MLLT3: variants seen among roughly 807,000 people sequenced by gnomAD.
MLLT3 encodes MLLT3 super elongation complex subunit, also known as protein AF-9.
In MLLT3, 4 loss-of-function variants were observed where a neutral mutation model predicts 53.2. The observed-to-expected ratio is 0.08, with a 90% CI of 0.04 to 0.17. The LOEUF is 0.17. Among genes scored for constraint, MLLT3 ranks in the 10% least tolerant of loss-of-function variants. The probability of loss-of-function intolerance (pLI) is 1.00; values close to 1 mark genes in which losing one functional copy is unlikely to be tolerated. For synonymous variants in MLLT3, 283 were observed against 230.6 expected (o/e 1.23, Z -2.06); for missense variants, 569 against 684.0 (o/e 0.83, Z 1.87).
intron 5 of MLLT3, among the ~76,000 whole-genome samples, chr9:20,367,898 C>G (rs1050173976): frequency 1.3e-5 from 2 of 152,190 alleles, no homozygotes; most frequent in African/African-American, 2.4e-5. Flanking sequence ...CCCCTTCTCC[C>G]AAGGTAGCAC....
At chr9:20,617,901 A>G (rs994747264) in intron 2 of MLLT3, among the ~76,000 whole-genome samples, 2 of 152,246 alleles carry the variant, frequency 1.3e-5, no homozygotes, top group Non-Finnish European at 2.9e-5. Context: ...TAAAAATACT[A>G]TAATTTTTTC....
chr9:20,362,434 T>C (rs1237030019), intron 7 of MLLT3, among the ~76,000 whole-genome samples: 2 of 152,198 alleles, frequency 1.3e-5, no homozygotes, highest in African/African-American at 4.8e-5. Flanking sequence ...TTGAGGTCTT[T>C]TTTCCCTATC....
chr9:20,393,538 T>G (rs762293442), intron 5 of MLLT3, among the ~76,000 whole-genome samples: 6 of 152,212 alleles, frequency 3.9e-5, no homozygotes, highest in Middle Eastern at 3.2e-3. Context: ...CCCTTCGATT[T>G]CAAAAATATT....
chr9:20,434,022 G>A (rs1823342458), intron 4 of MLLT3, among the ~76,000 whole-genome samples: 1 of 152,068 alleles, frequency 6.6e-6, no homozygotes, highest in South Asian at 2.1e-4. Flanking sequence ...TCAGGAGGAT[G>A]AGGCAGCAGA....
chr9:20,620,568 C>T lies in MLLT3; in HGVS notation c.193+86G>A. On this transcript the variant is annotated intron_variant, in intron 2 of 10. Transcript: ENST00000380338. The surrounding 1 kb of genome is among the most constrained non-coding windows in gnomAD (Gnocchi z 6.1). ...ACGCCGGCGAGCGCGGCGCGGGGGG[C>T]GGGGAGCGGGACAGCGGGACCGCCC... is the stretch of plus-strand genomic sequence containing the variant. 1.7e-6 allele frequency: 2 copies of T among 1,210,482 alleles called. No homozygotes were observed. Among genetic ancestry groups the T allele is most frequent in the Non-Finnish European group, 1.1e-6 (1 of 911,544 alleles). The allele number at this position is 1,210,482 out of a possible 1,614,324, so 75.0% of individuals were successfully genotyped here. A position where few individuals can be genotyped will look rare whatever the true frequency, so the allele number is the denominator to read the frequency against.
At chr9:20,580,816 T>G (rs1181598013) in intron 2 of MLLT3, among the ~76,000 whole-genome samples, 1 of 152,198 alleles carries the variant, frequency 6.6e-6, no homozygotes, top group East Asian at 1.9e-4. Context: ...CACAGCAATG[T>G]GTAAGGAGAG....
At chr9:20,488,622 A>G (rs1824871464) in intron 2 of MLLT3, among the ~76,000 whole-genome samples, 1 of 152,166 alleles carries the variant, frequency 6.6e-6, no homozygotes, top group Non-Finnish European at 1.5e-5. Flanking sequence ...AGATCTCCAA[A>G]AATAGTTAAA....
At chr9:20,352,545 A>G (rs1236382586) in intron 10 of MLLT3, among the ~76,000 whole-genome samples, 3 of 152,182 alleles carry the variant, frequency 2.0e-5, no homozygotes, top group African/African-American at 7.2e-5. Flanking sequence ...CTTATCTGCA[A>G]TTAAGAATCA....
chr9:20,487,250 A>C (rs935215401), intron 2 of MLLT3, among the ~76,000 whole-genome samples: 2 of 152,128 alleles, frequency 1.3e-5, no homozygotes, highest in Non-Finnish European at 2.9e-5. Flanking sequence ...AGGAGAAAAA[A>C]GGGTAAAAGT....
At chr9:20,419,329 CA>C (rs1357624441) in intron 4 of MLLT3, among the ~76,000 whole-genome samples, 3 of 151,436 alleles carry the variant, frequency 2.0e-5, no homozygotes, top group Non-Finnish European at 4.4e-5. Flanking sequence ...AGTAAAAATA[CA>C]AAGCGATGAA....
intron 2 of MLLT3, among the ~76,000 whole-genome samples, chr9:20,475,433 A>G (rs1410455010): frequency 6.6e-6 from 1 of 152,066 alleles, no homozygotes; most frequent in Non-Finnish European, 1.5e-5. Flanking sequence ...TCAAATTCTG[A>G]TCTGCTGCAT....
intron 2 of MLLT3, among the ~76,000 whole-genome samples, chr9:20,583,695 C>T (rs373782076): frequency 2.6e-5 from 4 of 152,298 alleles, no homozygotes; most frequent in East Asian, 3.9e-4. Context: ...CCAAGATGTA[C>T]GTTGTTCCCT....
chr9:20,456,368 T>G lies in MLLT3; in HGVS notation c.276+336A>C, dbSNP rs140278206. On this transcript the variant is annotated intron_variant, in intron 3 of 10. Transcript: ENST00000380338. Reference sequence around the variant, plus strand: ...AAGCCTCAAAAAAATTCTACAGACATGAAAATGAGAAAAGAAGCATTTTAC... The same window carrying G: ...AAGCCTCAAAAAAATTCTACAGACAGGAAAATGAGAAAAGAAGCATTTTAC... Among the ~76,000 whole-genome samples, 229 of 152,314 alleles carry G rather than the reference T, an allele frequency of 1.5e-3. 2 individuals are homozygous for G. The highest frequency in any genetic ancestry group is 0.014 in the Middle Eastern group (4 of 294).
At chr9:20,609,075 T>C (rs908149103) in intron 2 of MLLT3, among the ~76,000 whole-genome samples, 6 of 152,026 alleles carry the variant, frequency 3.9e-5, no homozygotes, top group African/African-American at 1.4e-4. Flanking sequence ...TAAGCTATTG[T>C]TTAGCCTTTA....
chr9:20,499,542 T>A (rs1027758342), intron 2 of MLLT3, among the ~76,000 whole-genome samples: 1 of 152,208 alleles, frequency 6.6e-6, no homozygotes, highest in Non-Finnish European at 1.5e-5. Context: ...TCTGACCTCC[T>A]TGAAACAGTC....
At chr9:20,518,933 C>T (rs961913722) in intron 2 of MLLT3, among the ~76,000 whole-genome samples, 1 of 152,136 alleles carries the variant, frequency 6.6e-6, no homozygotes, top group Admixed American at 6.5e-5. Context: ...GGTTTGGATC[C>T]TGATTTTGCT....
intron 2 of MLLT3, among the ~76,000 whole-genome samples, chr9:20,504,853 A>G (rs1825346099): frequency 6.6e-6 from 1 of 152,142 alleles, no homozygotes; most frequent in African/African-American, 2.4e-5. Flanking sequence ...AATATGTATA[A>G]TTTTTATTTT....
chr9:20,475,539 T>C (rs142610169), intron 2 of MLLT3, among the ~76,000 whole-genome samples: 5 of 152,270 alleles, frequency 3.3e-5, no homozygotes, highest in South Asian at 2.1e-4. Context: ...GGCAGCTGTA[T>C]TGAAATAAGT....
chr9:20,529,154 G>C (rs1208381669), intron 2 of MLLT3, among the ~76,000 whole-genome samples: 1 of 152,086 alleles, frequency 6.6e-6, no homozygotes, highest in Non-Finnish European at 1.5e-5. Flanking sequence ...TTACAATCTG[G>C]GTATGCAGCC....
Sources: allele counts gnomAD v4.1 joint callset (sites outside exome capture counted in the v4.1 genomes callset), GRCh38; gene constraint gnomAD v4.1.1; non-coding constraint Gnocchi (gnomAD v3.1); transcripts MANE v1.5; gene names NCBI Gene and HGNC (gene_info 2026-07-23, HGNC 2026-07-21).